Variants in FRMD6 observed in about 807,000 individuals in gnomAD.
FRMD6 encodes the protein FERM domain containing 6, also known as FERM domain-containing protein 6.
FRMD6 carries 37 observed loss-of-function variants against 73.2 expected under a neutral mutation model. The ratio of observed to expected loss-of-function variants is 0.51; its 90% CI spans 0.39 to 0.66. The LOEUF is 0.66. Ranked by LOEUF, FRMD6 falls within the 30% of genes least tolerant of loss-of-function variation. The pLI is 0.00. For missense variants in FRMD6, 714 were observed against 780.5 expected, an observed-to-expected ratio of 0.91 and a Z score of 1.02; for synonymous variants, 273 against 282.2, an observed-to-expected ratio of 0.97 and a Z score of 0.33.
chr14:51,524,046 G>T (rs1215283483), intron 1 of FRMD6, among the ~76,000 whole-genome samples: 1 of 152,180 alleles, frequency 6.6e-6, no homozygotes, highest in East Asian at 1.9e-4. Context: ...CATGCAGTTT[G>T]CTCTTTTATA....
At chr14:51,566,417 A>G (rs10484087) in intron 1 of FRMD6, among the ~76,000 whole-genome samples, 19,638 of 152,224 alleles carry the variant, frequency 0.13, 1,473 homozygotes, top group Non-Finnish European at 0.16. Context: ...GGTAGATTTG[A>G]CCATATTTTA....
chr14:51,672,179 A>G (rs1445844134), intron 1 of FRMD6, among the ~76,000 whole-genome samples: 1 of 152,220 alleles, frequency 6.6e-6, no homozygotes. Context: ...GGTCAGGGCA[A>G]CAGTTTTTTG....
the FRMD6 span, among the ~76,000 whole-genome samples, chr14:51,414,371 T>C: frequency 2.6e-5 from 4 of 152,250 alleles, no homozygotes; most frequent in East Asian, 1.9e-4. Flanking sequence ...TTTCCACATA[T>C]GGCTAGCCAG....
At chr14:51,586,828 C>G (rs1889078008) in intron 2 of FRMD6, among the ~76,000 whole-genome samples, 1 of 152,164 alleles carries the variant, frequency 6.6e-6, no homozygotes, top group Non-Finnish European at 1.5e-5. Context: ...ACTGCAGCCT[C>G]AACCTCCTGG....
Position 51,511,159 on chromosome 14 carries a change from C to T in FRMD6, c.-210+21739C>T, listed in dbSNP as rs113785244. Among the ~76,000 whole-genome samples the T allele has an allele frequency of 4.4e-3, 662 of 152,142 alleles. 3 individuals carry two copies. Among genetic ancestry groups the T allele is most frequent in the African/African-American group, 0.015 (639 of 41,498 alleles). On this transcript the variant is annotated intron_variant, in intron 1 of 14. Transcript: ENST00000356218. ...GTCACTAAATGAAAAACAGATATTC[C>T]CCACACAGAAGAGAGACAGAGACAG...
chr14:51,692,271 A>G (rs1297608124), intron 2 of FRMD6, among the ~76,000 whole-genome samples: 3 of 152,292 alleles, frequency 2.0e-5, no homozygotes, highest in Admixed American at 6.5e-5. Context: ...AAAATCGACA[A>G]TGTGTCTCTT....
intron 2 of FRMD6, among the ~76,000 whole-genome samples, chr14:51,638,578 TGTCA>T (rs1891678033): frequency 6.6e-6 from 1 of 152,196 alleles, no homozygotes. Flanking sequence ...TCCAGGGGAC[TGTCA>T]GTCAGCTCCC....
intron 2 of FRMD6, among the ~76,000 whole-genome samples, chr14:51,594,059 A>G (rs1333520885): frequency 6.6e-6 from 1 of 152,184 alleles, no homozygotes; most frequent in Non-Finnish European, 1.5e-5. Context: ...GATGGAACCT[A>G]GATGAACTCA....
intron 2 of FRMD6, among the ~76,000 whole-genome samples, chr14:51,582,904 A>G (rs1888809090): frequency 6.6e-6 from 1 of 152,200 alleles, no homozygotes; most frequent in African/African-American, 2.4e-5. Flanking sequence ...CATATTTGGA[A>G]CTCACAATAT....
At chr14:51,397,071 T>G in the FRMD6 span, 1 of 152,240 alleles carries the variant, frequency 6.6e-6, no homozygotes, top group Non-Finnish European at 1.5e-5. Flanking sequence ...ATCTGTTCCT[T>G]GAGTTTGGTC....
chr14:51,493,991 C>G (rs76740443), intron 1 of FRMD6, among the ~76,000 whole-genome samples: 3,563 of 152,248 alleles, frequency 0.023, 49 homozygotes, highest in Middle Eastern at 0.054. Flanking sequence ...CTTACTCTAA[C>G]TGGTGGAAGG....
chr14:51,721,761 G>GGAAAGGAGGGAAGGAGGGAAGGAA (rs1897624081), intron 11 of FRMD6, among the ~76,000 whole-genome samples, 188 bp from the exon 12 acceptor site: 1 of 137,236 alleles, frequency 7.3e-6, no homozygotes, highest in Admixed American at 7.1e-5. Context: ...GAAGGAAGGA[G>GGAAAGGAGGGAAGGAGGGAAGGAA]GGAAGGAGGG....
chr14:51,661,571 C>G (rs1272786700), intron 1 of FRMD6, among the ~76,000 whole-genome samples: 1 of 152,000 alleles, frequency 6.6e-6, no homozygotes, highest in African/African-American at 2.4e-5. Flanking sequence ...TAAAAAGGAG[C>G]AAGCAGAGGA....
intron 1 of FRMD6, among the ~76,000 whole-genome samples, chr14:51,500,400 G>C (rs1010661502): frequency 1.3e-5 from 2 of 152,052 alleles, no homozygotes; most frequent in South Asian, 4.1e-4. Flanking sequence ...GGTGGCACGC[G>C]TCTGTAATCC....
intron 2 of FRMD6, among the ~76,000 whole-genome samples, chr14:51,577,799 T>C (rs1460481753): frequency 6.6e-6 from 1 of 152,000 alleles, no homozygotes; most frequent in Admixed American, 6.6e-5. Flanking sequence ...TTCTTTTCTC[T>C]TTTTTTTGTA....
chr14:51,574,347 C>A (rs149382316), intron 2 of FRMD6, among the ~76,000 whole-genome samples: 17 of 152,138 alleles, frequency 1.1e-4, no homozygotes, highest in South Asian at 2.1e-4. Context: ...ATCCACAGAG[C>A]CTTTAAAGCT....
chr14:51,531,794 C>T (rs1168276626), intron 1 of FRMD6, among the ~76,000 whole-genome samples: 1 of 152,132 alleles, frequency 6.6e-6, no homozygotes, highest in Non-Finnish European at 1.5e-5. Context: ...AATGAAAATG[C>T]CAATCAATAT....
chr14:51,513,460 C>G (rs1021365609), intron 1 of FRMD6, among the ~76,000 whole-genome samples: 3 of 152,210 alleles, frequency 2.0e-5, no homozygotes, highest in African/African-American at 7.2e-5. Context: ...CCATTGACAG[C>G]TACTAAGTCA....
intron 1 of FRMD6, among the ~76,000 whole-genome samples, chr14:51,539,830 T>C (rs911099366): frequency 6.6e-6 from 1 of 152,158 alleles, no homozygotes; most frequent in Non-Finnish European, 1.5e-5. Flanking sequence ...TACAGCTGAC[T>C]TATGAGGGTG....
Sources: allele counts gnomAD v4.1 joint callset (sites outside exome capture counted in the v4.1 genomes callset), GRCh38; gene constraint gnomAD v4.1.1; transcripts MANE v1.5; gene names NCBI Gene and HGNC (gene_info 2026-07-23, HGNC 2026-07-21).